ME3: variants seen among roughly 807,000 people sequenced by gnomAD.
The protein encoded by ME3 is NADP-dependent malic enzyme, mitochondrial.
In ME3, 48 loss-of-function variants were observed where a neutral mutation model predicts 68.9. The ratio of observed to expected loss-of-function variants is 0.70; its 90% CI spans 0.55 to 0.89. The LOEUF is 0.89. Among genes scored for constraint, ME3 ranks in the 40% least tolerant of loss-of-function variants. The pLI, the probability that ME3 is intolerant of heterozygous loss-of-function variation, is 0.00. For synonymous variants in ME3, 320 were observed against 318.8 expected, an observed-to-expected ratio of 1.00 and a Z score of -0.04; for missense variants, 675 against 797.4, an observed-to-expected ratio of 0.85 and a Z score of 1.85.
chr11:86,611,603 AGT>A (rs745349759), intron 2 of ME3, among the ~76,000 whole-genome samples: 3 of 25,334 alleles, frequency 1.2e-4, no homozygotes, highest in South Asian at 2.6e-3. Context: ...AACTCAATAA[AGT>A]GGGGGGGGGG....
chr11:86,487,191 CT>C, intron 7 of ME3, 145 bp downstream of exon 7: 3 of 667,590 alleles, frequency 4.5e-6, no homozygotes, highest in Non-Finnish European at 8.0e-6. Context: ...CTTATCACTC[CT>C]AGGGGTCAAG....
intron 4 of ME3, among the ~76,000 whole-genome samples, chr11:86,551,131 G>A (rs946169848): frequency 6.6e-6 from 1 of 152,106 alleles, no homozygotes; most frequent in East Asian, 1.9e-4. Context: ...TCCTCTTATG[G>A]GTATGGGGTG....
At chr11:86,484,457 A>G (rs999853909) in intron 7 of ME3, among the ~76,000 whole-genome samples, 3 of 152,030 alleles carry the variant, frequency 2.0e-5, no homozygotes, top group Non-Finnish European at 4.4e-5. Flanking sequence ...CCATCAATCC[A>G]TCATGTTTTC....
intron 5 of ME3, among the ~76,000 whole-genome samples, chr11:86,503,939 A>G (rs1371885161): frequency 6.6e-6 from 1 of 152,162 alleles, no homozygotes; most frequent in Non-Finnish European, 1.5e-5. Flanking sequence ...TCAGAAAAGC[A>G]GTTCTCACTC....
chr11:86,605,498 AC>A (rs1203882839), intron 2 of ME3, among the ~76,000 whole-genome samples: 14 of 152,164 alleles, frequency 9.2e-5, no homozygotes. Context: ...GCCACCAAAA[AC>A]TGCTTAATTT....
intron 2 of ME3, among the ~76,000 whole-genome samples, chr11:86,641,697 G>A (rs1944683992): frequency 6.6e-6 from 1 of 151,962 alleles, no homozygotes; most frequent in Non-Finnish European, 1.5e-5. Flanking sequence ...AGTCTCCCAG[G>A]GATTTTTCAT....
At chr11:86,556,562 C>T (rs1227728910) in exon 4 of ME3, 12 of 1,613,430 alleles carry the variant, frequency 7.4e-6, no homozygotes, top group Non-Finnish European at 6.8e-6. Flanking sequence ...CCGGGGCCTG[C>T]GGAAAGTCAG....
chr11:86,481,019 G>A (rs1398279386), intron 7 of ME3, among the ~76,000 whole-genome samples: 1 of 152,006 alleles, frequency 6.6e-6, no homozygotes, highest in African/African-American at 2.4e-5. Context: ...CCTCTTCTGG[G>A]GATGTGGTCC....
At chr11:86,492,008 G>A (rs542870116) in intron 6 of ME3, among the ~76,000 whole-genome samples, 1 of 152,336 alleles carries the variant, frequency 6.6e-6, no homozygotes, top group African/African-American at 2.4e-5. Context: ...GACACTGCTG[G>A]TCCTGGTGGC....
intron 2 of ME3, among the ~76,000 whole-genome samples, chr11:86,655,421 C>G (rs1398385307): frequency 2.6e-5 from 4 of 152,236 alleles, no homozygotes; most frequent in South Asian, 2.1e-4. Flanking sequence ...TGGAACAGAA[C>G]AGAGCCCTCA....
chr11:86,593,168 G>T (rs962923676), intron 2 of ME3, among the ~76,000 whole-genome samples: 6 of 152,160 alleles, frequency 3.9e-5, no homozygotes, highest in Admixed American at 6.5e-5. Flanking sequence ...ACAAATGAAT[G>T]TGGAAGACCC....
At chr11:86,550,970 G>A (rs1472454537) in intron 4 of ME3, among the ~76,000 whole-genome samples, 2 of 151,778 alleles carry the variant, frequency 1.3e-5, no homozygotes, top group African/African-American at 4.9e-5. Flanking sequence ...CTCTGGGTGT[G>A]TGTGCACATG....
At chr11:86,610,720 CG>C (rs563905152) in intron 2 of ME3, among the ~76,000 whole-genome samples, 255 of 33,358 alleles carry the variant, frequency 7.6e-3, no homozygotes, top group African/African-American at 0.027. Context: ...TAGGGGGTGG[CG>C]GGGGGGCAGG....
intron 2 of ME3, among the ~76,000 whole-genome samples, chr11:86,563,892 A>G (rs190726381): frequency 4.7e-4 from 72 of 152,138 alleles, no homozygotes; most frequent in African/African-American, 1.5e-3. Flanking sequence ...GATGCTTCCA[A>G]CTTTGTTGTT....
chr11:86,672,032 G>A (rs537536642), intron 1 of ME3, 74 bp from the exon 2 acceptor site: 1 of 1,205,532 alleles, frequency 8.3e-7, no homozygotes, highest in East Asian at 3.2e-5. Context: ...CGGGGCACCG[G>A]GCCTGATCCG....
intron 2 of ME3, among the ~76,000 whole-genome samples, chr11:86,580,155 A>C (rs553851735): frequency 1.3e-5 from 2 of 152,130 alleles, no homozygotes. Flanking sequence ...GTTCCTTTCC[A>C]TTCTTGATTT....
chr11:86,567,243 A>AAGG (rs1957534175), intron 2 of ME3, among the ~76,000 whole-genome samples: 36 of 144,582 alleles, frequency 2.5e-4, no homozygotes, highest in African/African-American at 6.1e-4. Context: ...GAAAAGAAAG[A>AAGG]AAGGAAGGAA....
intron 5 of ME3, among the ~76,000 whole-genome samples, chr11:86,505,356 C>T (rs1953002810): frequency 1.3e-5 from 2 of 152,126 alleles, no homozygotes. Flanking sequence ...TGGACCTGTT[C>T]ACATGCCAAA....
At chr11:86,538,587 T>C (rs991172267) in intron 4 of ME3, among the ~76,000 whole-genome samples, 2 of 152,152 alleles carry the variant, frequency 1.3e-5, no homozygotes, top group Admixed American at 1.3e-4. Context: ...CACCCTCACA[T>C]ACCACAGACT....
Sources: gnomAD v4.1 joint callset for allele counts (sites outside exome capture counted in the v4.1 genomes callset) on GRCh38, gnomAD v4.1.1 for gene constraint, MANE v1.5 for transcripts, NCBI Gene and HGNC (gene_info 2026-07-23, HGNC 2026-07-21) for gene names.